The following TTC23L variants were observed in gnomAD, a reference collection of about 807,000 sequenced individuals.
TTC23L encodes the protein tetratricopeptide repeat domain 23 like.
A neutral mutation model predicts 48.1 loss-of-function variants in TTC23L; 42 were observed. The observed-to-expected ratio is 0.87, with a 90% CI of 0.68 to 1.13. The LOEUF is 1.13. Among genes scored for constraint, TTC23L ranks in the 50% most tolerant of loss-of-function variants. The probability of loss-of-function intolerance (pLI) is 0.00; values close to 1 mark genes in which losing one functional copy is unlikely to be tolerated. For missense variants in TTC23L, 391 were observed against 421.0 expected (o/e 0.93, Z 0.62); for synonymous variants, 159 against 157.2 (o/e 1.01, Z -0.09).
chr5:34,915,838 G>T, the TTC23L span: 3 of 1,570,122 alleles, frequency 1.9e-6, no homozygotes, highest in African/African-American at 4.1e-5. Context: ...TAAGCGGCAC[G>T]CCACAGCAGA....
chr5:34,922,235 T>C, the TTC23L span: 3 of 1,581,368 alleles, frequency 1.9e-6, no homozygotes, highest in African/African-American at 1.3e-5. Flanking sequence ...AATGAAGAAC[T>C]GTAATAAATG....
rs115691251 is a variant in TTC23L, at chr5:34,854,607, C to T, written c.379+4299C>T. Among the ~76,000 whole-genome samples, 893 of 152,156 alleles carry T rather than the reference C, an allele frequency of 5.9e-3. 10 individuals carry two copies. Among genetic ancestry groups the T allele is most frequent in the African/African-American group, 0.02 (849 of 41,506 alleles). ...TATATAAGCTGGCCTCCTGTGTAGGCGGATGTGTGTGTCTGTGTGCGTTCA... is the reference window on the plus strand; with the variant it reads ...TATATAAGCTGGCCTCCTGTGTAGGTGGATGTGTGTGTCTGTGTGCGTTCA... On this transcript the variant is annotated intron_variant, in intron 4 of 10. Transcript: ENST00000505624.
chr5:34,856,696 T>C (rs1378836600), intron 4 of TTC23L, among the ~76,000 whole-genome samples: 1 of 152,210 alleles, frequency 6.6e-6, no homozygotes, highest in East Asian at 1.9e-4. Flanking sequence ...AGGACCTTGA[T>C]AAAGAGTTAG....
chr5:34,847,360 T>C (rs1284531060), intron 3 of TTC23L, among the ~76,000 whole-genome samples: 2 of 152,204 alleles, frequency 1.3e-5, no homozygotes, highest in Admixed American at 6.5e-5. Context: ...CTTGGCCAGA[T>C]TGGATAATGA....
At chr5:34,922,460 ATAT>A in the TTC23L span, 1 of 972,008 alleles carries the variant, frequency 1.0e-6, no homozygotes, top group African/African-American at 1.7e-5. Context: ...TATTATAAGC[ATAT>A]TATTTATGGT....
the TTC23L span, chr5:34,922,306 AT>A: frequency 1.4e-6 from 2 of 1,472,072 alleles, no homozygotes; most frequent in Admixed American, 3.7e-5. Context: ...ATGTATTAAG[AT>A]TTTGGTTAAA....
At chr5:34,856,485 G>A (rs1458258156) in intron 4 of TTC23L, among the ~76,000 whole-genome samples, 1 of 152,176 alleles carries the variant, frequency 6.6e-6, no homozygotes, top group Non-Finnish European at 1.5e-5. Context: ...GGAAATTTGG[G>A]ACCAGAACTT....
At chr5:34,853,602 G>GCCCTT (rs1381291472) in intron 4 of TTC23L, among the ~76,000 whole-genome samples, 1 of 152,088 alleles carries the variant, frequency 6.6e-6, no homozygotes, top group Non-Finnish European at 1.5e-5. Flanking sequence ...AATGGGTAGG[G>GCCCTT]TAAAGGGGGG....
the TTC23L span, chr5:34,918,466 T>C: frequency 6.3e-7 from 1 of 1,593,074 alleles, no homozygotes; most frequent in South Asian, 1.1e-5. Flanking sequence ...GATGCCTCAT[T>C]CTAAAGCAGG....
chr5:34,919,225 G>A, the TTC23L span, among the ~76,000 whole-genome samples: 6 of 144,640 alleles, frequency 4.1e-5, no homozygotes, highest in Admixed American at 2.9e-4. Context: ...GTCATGAGCC[G>A]TGATTGCGCC....
the TTC23L span, chr5:34,909,268 G>A: frequency 6.2e-7 from 1 of 1,605,038 alleles, no homozygotes; most frequent in African/African-American, 1.3e-5. Context: ...CTGTTGACTT[G>A]GGTCTGATTA....
chr5:34,881,102 T>G (rs1260052745), intron 9 of TTC23L, among the ~76,000 whole-genome samples: 1 of 152,254 alleles, frequency 6.6e-6, no homozygotes, highest in Non-Finnish European at 1.5e-5. Context: ...TTAGGTGGCT[T>G]GGAATATTAG....
At chr5:34,893,316 G>A (rs1177396730) in intron 9 of TTC23L, among the ~76,000 whole-genome samples, 1 of 152,194 alleles carries the variant, frequency 6.6e-6, no homozygotes, top group Non-Finnish European at 1.5e-5. Context: ...CCTGAGGGAA[G>A]ATGGTTTCCA....
chr5:34,912,075 A>C, the TTC23L span, among the ~76,000 whole-genome samples: 1 of 152,212 alleles, frequency 6.6e-6, no homozygotes, highest in Admixed American at 6.5e-5. Flanking sequence ...ACACCTCAGA[A>C]ATAGCTTGTT....
At chr5:34,891,045 T>C (rs1229267166) in intron 9 of TTC23L, among the ~76,000 whole-genome samples, 2 of 152,146 alleles carry the variant, frequency 1.3e-5, no homozygotes, top group Non-Finnish European at 2.9e-5. Context: ...AATGAGATGA[T>C]AAATAATACA....
chr5:34,877,527 G>A (rs1177481108), intron 8 of TTC23L, among the ~76,000 whole-genome samples: 1 of 151,848 alleles, frequency 6.6e-6, no homozygotes, highest in Non-Finnish European at 1.5e-5. Flanking sequence ...GGGCTCAAGT[G>A]ATTCTCCTGC....
At chr5:34,862,254 C>T (rs529174757) in intron 4 of TTC23L, among the ~76,000 whole-genome samples, 7 of 152,170 alleles carry the variant, frequency 4.6e-5, no homozygotes, top group African/African-American at 1.7e-4. Flanking sequence ...TTAGCAATTG[C>T]TTTCTTTTTA....
the TTC23L span, chr5:34,907,191 G>A: frequency 1.3e-5 from 2 of 152,174 alleles, no homozygotes; most frequent in Non-Finnish European, 2.9e-5. Context: ...CTAATGCTAT[G>A]TGACCTATAT....
the TTC23L span, among the ~76,000 whole-genome samples, chr5:34,914,217 G>A: frequency 2.6e-5 from 4 of 152,186 alleles, no homozygotes; most frequent in Non-Finnish European, 5.9e-5. Context: ...GCATATCGCA[G>A]TGGAAAAAAG....
Sources: gnomAD v4.1 joint callset for allele counts (sites outside exome capture counted in the v4.1 genomes callset) on GRCh38, gnomAD v4.1.1 for gene constraint, MANE v1.5 for transcripts, NCBI Gene and HGNC (gene_info 2026-07-23, HGNC 2026-07-21) for gene names.